FANCD2OS: variants seen among roughly 807,000 people sequenced by gnomAD.
FANCD2OS encodes the protein FANCD2 opposite strand protein.
In FANCD2OS, 11 loss-of-function variants were observed where a neutral mutation model predicts 13.2. The ratio of observed to expected loss-of-function variants is 0.83; its 90% CI spans 0.52 to 1.38. The LOEUF is 1.38. Ranked by LOEUF, FANCD2OS falls within the 40% of genes most tolerant of loss-of-function variation. FANCD2OS has a pLI of 0.00. For synonymous variants in FANCD2OS, 69 were observed against 84.5 expected (o/e 0.82, Z 1.01); for missense variants, 217 against 213.9 (o/e 1.01, Z -0.09).
chr3:10,104,523 G>A lies in FANCD2OS; in HGVS notation c.252C>T (p.Asn84=), dbSNP rs768189861. The change falls in exon 2 of 2, where the codon AAC becomes AAT. Residue 84 remains asparagine (N), a synonymous_variant. Transcript: ENST00000450660. ...CHTSELRTMN[N]KGLVRKPQPI... ...GCTGGGGCTTCCTGACCAGTCCTTT[G>A]TTGTTCATCGTGCGCAACTCTGATG... The A allele has an allele frequency of 7.4e-6, 12 of 1,614,192 alleles. 1 individual carries two copies. The highest frequency in any genetic ancestry group is 1.6e-4 in the Middle Eastern group (1 of 6,062).
At chr3:10,101,377 C>CTTT (rs950337384), downstream of FANCD2OS, 197 of 387,626 alleles carry the variant, frequency 5.1e-4, no homozygotes, top group South Asian at 5.5e-4. Flanking sequence ...TTTTGTTCCT[C>CTTT]TTTTTTTTTT....
At chr3:10,098,790 A>G (rs538650975), downstream of FANCD2OS, 1 of 1,614,206 alleles carries the variant, frequency 6.2e-7, no homozygotes, top group South Asian at 1.1e-5. Flanking sequence ...ATGTCATCCC[A>G]GGCCTCCAAG....
chr3:10,094,722 C>G, intron 2 of FANCD2OS: 1 of 322,200 alleles, frequency 3.1e-6, no homozygotes, highest in Non-Finnish European at 5.9e-6. Flanking sequence ...AAAAAAAGCT[C>G]ATTTGTGTCA....
chr3:10,086,015 A>G (rs1694177623), intron 2 of FANCD2OS: 2 of 826,616 alleles, frequency 2.4e-6, no homozygotes, highest in Non-Finnish European at 4.3e-6. Context: ...GGTGTCTTTC[A>G]GTAGTTGTAA....
downstream of FANCD2OS, among the ~76,000 whole-genome samples, chr3:10,098,074 T>A (rs1695084824): frequency 6.6e-6 from 1 of 152,208 alleles, no homozygotes. Flanking sequence ...TAGGGTAGTA[T>A]AAGCCCTTTT....
At chr3:10,095,239 A>G in intron 2 of FANCD2OS, 2 of 1,614,186 alleles carry the variant, frequency 1.2e-6, no homozygotes, top group East Asian at 2.2e-5. Flanking sequence ...CCAGTTGGAC[A>G]CAAGGCTGCT....
chr3:10,105,772 TTATATA>T (rs574690780), intron 1 of FANCD2OS, among the ~76,000 whole-genome samples: 1,135 of 22,430 alleles, frequency 0.051, 39 homozygotes, highest in East Asian at 0.075. Flanking sequence ...AAAAAAAAAA[TTATATA>T]TATATATATA....
downstream of FANCD2OS, among the ~76,000 whole-genome samples, chr3:10,102,224 A>G (rs1575887255): frequency 2.0e-5 from 3 of 150,182 alleles, no homozygotes; most frequent in Admixed American, 2.0e-4. Flanking sequence ...GCTCACTGCA[A>G]CCTCCACCTC....
chr3:10,083,777 A>T (rs1164545907), intron 2 of FANCD2OS: 1 of 150,384 alleles, frequency 6.6e-6, no homozygotes, highest in African/African-American at 2.4e-5. Flanking sequence ...AGTCCCAGCT[A>T]CTCAAGAGGC....
chr3:10,101,145 G>C (rs761006502), downstream of FANCD2OS: 2 of 1,420,454 alleles, frequency 1.4e-6, no homozygotes, highest in African/African-American at 2.8e-5. Flanking sequence ...GTCACCCAGA[G>C]CAGTAACCTA....
intron 2 of FANCD2OS, among the ~76,000 whole-genome samples, chr3:10,084,691 C>T (rs1694073177): frequency 6.6e-6 from 1 of 152,174 alleles, no homozygotes; most frequent in South Asian, 2.1e-4. Flanking sequence ...ACCTAATAGG[C>T]CCTCAGAATA....
intron 2 of FANCD2OS, among the ~76,000 whole-genome samples, chr3:10,096,937 G>C (rs1575871563): frequency 1.3e-5 from 2 of 152,250 alleles, no homozygotes; most frequent in Admixed American, 1.3e-4. Context: ...ATTTTCCTAA[G>C]TGTCAGCTGG....
At chr3:10,088,567 G>A (rs1455261756) in intron 2 of FANCD2OS, 2 of 1,462,330 alleles carry the variant, frequency 1.4e-6, no homozygotes, top group African/African-American at 2.8e-5. Flanking sequence ...TTCTTCCAAT[G>A]AGCCAAATAG....
Position 10,104,595 on chromosome 3 carries a change from G to C in FANCD2OS, c.180C>G (p.Asp60Glu), listed in dbSNP as rs1383291483. ...LCFQEVTLVLDSPFLESGVSP... is the reference protein window; with the variant it reads ...LCFQEVTLVLESPFLESGVSP... ...TCACTCCAGATTCCAGGAATGGGCT[G>C]TCTAGGACTAGAGTGACCTCTTGAA... The change falls in exon 2 of 2, where the codon GAC (aspartate) becomes GAG (glutamate). Residue 60 changes from aspartate to glutamate, a missense_variant. Asp to Glu is a conservative substitution (Grantham distance 45, BLOSUM62 2). Coordinates refer to ENST00000450660, the MANE Select transcript of FANCD2OS (RefSeq NM_001164839.2). The C allele has an allele frequency of 6.2e-7, 1 of 1,614,088 alleles. No individual in the cohort carries two copies. The highest frequency in any genetic ancestry group is 8.5e-7 in the Non-Finnish European group (1 of 1,180,044).
intron 2 of FANCD2OS, chr3:10,088,689 G>T: frequency 6.3e-6 from 7 of 1,111,206 alleles, no homozygotes; most frequent in Non-Finnish European, 9.5e-6. Flanking sequence ...GGAACATGTG[G>T]ATCTTAAGAT....
intron 2 of FANCD2OS, among the ~76,000 whole-genome samples, chr3:10,086,593 TG>T (rs1165809635): frequency 6.6e-6 from 1 of 152,162 alleles, no homozygotes; most frequent in East Asian, 1.9e-4. Flanking sequence ...GTGATTGTAC[TG>T]CCTCAGCCTC....
At chr3:10,101,336 G>T (rs561218090), downstream of FANCD2OS, 3 of 1,077,818 alleles carry the variant, frequency 2.8e-6, no homozygotes, top group Non-Finnish European at 4.3e-6. Context: ...TTTGAAATCC[G>T]CTGTTTGCCT....
At chr3:10,082,770 C>T (rs1188710551) in intron 2 of FANCD2OS, among the ~76,000 whole-genome samples, 2 of 152,194 alleles carry the variant, frequency 1.3e-5, no homozygotes, top group Non-Finnish European at 2.9e-5. Flanking sequence ...CGTGATAAAA[C>T]TTAATCTCAT....
intron 2 of FANCD2OS, among the ~76,000 whole-genome samples, chr3:10,088,083 G>T (rs1263429635): frequency 6.6e-6 from 1 of 152,150 alleles, no homozygotes; most frequent in Non-Finnish European, 1.5e-5. Flanking sequence ...GGAAGGTTTG[G>T]TCTCAATCTT....
Sources: allele counts gnomAD v4.1 joint callset (sites outside exome capture counted in the v4.1 genomes callset), GRCh38; gene constraint gnomAD v4.1.1; transcripts MANE v1.5; gene names NCBI Gene and HGNC (gene_info 2026-07-23, HGNC 2026-07-21).